TCERG1L: variants seen among roughly 807,000 people sequenced by gnomAD.
The protein encoded by TCERG1L is transcription elongation regulator 1 like.
Under a neutral mutation model 56.3 loss-of-function variants are expected in TCERG1L, and 37 were observed. The ratio of observed to expected loss-of-function variants is 0.66; its 90% confidence interval spans 0.51 to 0.87. The LOEUF (loss-of-function observed/expected upper bound fraction) is 0.87, where lower values mean the gene tolerates loss of function less well. Among genes scored for constraint, TCERG1L ranks in the 40% least tolerant of loss-of-function variants. The probability of loss-of-function intolerance (pLI) is 0.00; values close to 1 mark genes in which losing one functional copy is unlikely to be tolerated. For missense variants in TCERG1L, 799 were observed against 774.2 expected, an observed-to-expected ratio of 1.03 and a Z score of -0.38; for synonymous variants, 324 against 326.3, an observed-to-expected ratio of 0.99 and a Z score of 0.08.
At chr10:131,177,423 C>T (rs61864069) in intron 4 of TCERG1L, among the ~76,000 whole-genome samples, 10,279 of 152,306 alleles carry the variant, frequency 0.067, 453 homozygotes, top group Middle Eastern at 0.15. Flanking sequence ...GATACATGTA[C>T]GTAAACGTGA....
At chr10:131,308,072 T>G in intron 3 of TCERG1L, 139 bp downstream of exon 3, 1 of 1,021,710 alleles carries the variant, frequency 9.8e-7, no homozygotes, top group Non-Finnish European at 1.4e-6. Flanking sequence ...TTAAAAAAGC[T>G]TCATGCTTGT....
intron 4 of TCERG1L, among the ~76,000 whole-genome samples, chr10:131,201,765 G>A (rs1168087955): frequency 6.6e-6 from 1 of 152,118 alleles, no homozygotes; most frequent in Non-Finnish European, 1.5e-5. Flanking sequence ...GTCCTTCTCT[G>A]CGGGACTGTA....
At chr10:131,142,735 A>T (rs934827944) in intron 7 of TCERG1L, among the ~76,000 whole-genome samples, 3 of 152,170 alleles carry the variant, frequency 2.0e-5, no homozygotes, top group Non-Finnish European at 4.4e-5. Context: ...GGCAAGTCAG[A>T]TAAGCTCCTT....
chr10:131,245,420 T>TAAAAA (rs397816461), intron 4 of TCERG1L, among the ~76,000 whole-genome samples: 6 of 150,974 alleles, frequency 4.0e-5, no homozygotes, highest in African/African-American at 1.2e-4. Flanking sequence ...ATTTTTTTTT[T>TAAAAA]AAAAAAACTG....
At position 131,113,375 on chromosome 10, in the gene TCERG1L, A is replaced by G. The variant is rs1022133702; in HGVS notation, c.1395+3424T>C. On this transcript the variant is annotated intron_variant, in intron 9 of 11. Transcript: ENST00000368642. The stretch of plus-strand genomic sequence containing the variant: ...TTCTGTGCACGCGTGCCCTGGCTGA[A>G]GGCTGGTGAAGCTCCTGGGAGGCAG... 1.2e-4 allele frequency among the ~76,000 whole-genome samples: 17 copies of G among 141,708 alleles called. 2 individuals carry two copies. The highest frequency in any genetic ancestry group is 1.6e-4 in the Non-Finnish European group (10 of 63,008). 93.0% of individuals were successfully genotyped at this position (141,708 alleles called of 152,430 possible).
chr10:131,212,262 A>G (rs1175950645), intron 4 of TCERG1L, among the ~76,000 whole-genome samples: 2 of 152,196 alleles, frequency 1.3e-5, no homozygotes, highest in Non-Finnish European at 2.9e-5. Flanking sequence ...AGGCCCATGC[A>G]GAGTTGATTC....
chr10:131,227,186 A>G (rs1328980223), intron 4 of TCERG1L, among the ~76,000 whole-genome samples: 4 of 152,256 alleles, frequency 2.6e-5, no homozygotes, highest in Non-Finnish European at 4.4e-5. Flanking sequence ...GTGGCACTTC[A>G]GCCACCATTG....
intron 4 of TCERG1L, among the ~76,000 whole-genome samples, chr10:131,227,875 CAACT>C (rs1486423546): frequency 6.6e-6 from 1 of 152,084 alleles, no homozygotes. Context: ...GACCTGAGCG[CAACT>C]ATCTTCCGGG....
At chr10:131,207,167 G>A (rs1484992464) in intron 4 of TCERG1L, among the ~76,000 whole-genome samples, 1 of 52,046 alleles carries the variant, frequency 1.9e-5, no homozygotes, top group Admixed American at 2.7e-4. Context: ...CACTTGCCCC[G>A]ACCTCTTCCC....
At chr10:131,301,083 T>C (rs1023784461) in intron 3 of TCERG1L, among the ~76,000 whole-genome samples, 2 of 152,042 alleles carry the variant, frequency 1.3e-5, no homozygotes, top group African/African-American at 4.8e-5. Flanking sequence ...CAGAAAAGGA[T>C]TCCTATATGT....
intron 3 of TCERG1L, among the ~76,000 whole-genome samples, chr10:131,285,176 C>G (rs61187560): frequency 0.074 from 11,242 of 151,790 alleles, 526 homozygotes; most frequent in African/African-American, 0.12. Context: ...TTAGGAGTTC[C>G]AGACCAGCCT....
rs1845349665 is a variant in TCERG1L at position 131,106,114 on chromosome 10, ACT to A, written c.1396-1762_1396-1761del. Among the ~76,000 whole-genome samples the A allele has an allele frequency of 2.6e-5, 4 of 152,198 alleles. No homozygotes were observed. In the South Asian group the frequency reaches 8.3e-4, roughly 32 times the overall value. Reference sequence around the variant, plus strand: ...GCTAGTGAGGTGTTGTTGCTTCTAGACTCTCTCAGCTGACAAAGCAAGGGAAT... The same window carrying A: ...GCTAGTGAGGTGTTGTTGCTTCTAGACTCTCAGCTGACAAAGCAAGGGAAT... On this transcript the variant is annotated intron_variant, in intron 9 of 11. Coordinates refer to ENST00000368642, the MANE Select transcript of TCERG1L (RefSeq NM_174937.4).
chr10:131,204,311 G>T (rs534267809), intron 4 of TCERG1L, among the ~76,000 whole-genome samples: 25 of 152,354 alleles, frequency 1.6e-4, no homozygotes, highest in African/African-American at 6.0e-4. Context: ...GTATAGAGGA[G>T]CGGGAACAGA....
chr10:131,291,779 T>C (rs1846630655), intron 3 of TCERG1L, among the ~76,000 whole-genome samples: 1 of 151,520 alleles, frequency 6.6e-6, no homozygotes, highest in African/African-American at 2.4e-5. Flanking sequence ...CCATAGTAAC[T>C]GTAAAAAAAA....
intron 9 of TCERG1L, among the ~76,000 whole-genome samples, chr10:131,106,950 C>T (rs1426042427): frequency 6.6e-6 from 1 of 152,190 alleles, no homozygotes; most frequent in Non-Finnish European, 1.5e-5. Context: ...CTAGGATTCT[C>T]CTCCACAGAG....
intron 7 of TCERG1L, among the ~76,000 whole-genome samples, chr10:131,135,686 A>C (rs908166239): frequency 6.6e-6 from 1 of 152,206 alleles, no homozygotes; most frequent in Admixed American, 6.5e-5. Flanking sequence ...GCTCATGGTC[A>C]CCCCTGCCCA....
chr10:131,124,351 A>G (rs1204640159), intron 8 of TCERG1L, among the ~76,000 whole-genome samples: 1 of 152,148 alleles, frequency 6.6e-6, no homozygotes, highest in Admixed American at 6.5e-5. Flanking sequence ...ACCATTAGGG[A>G]GTCCCCGTCC....
chr10:131,093,342 G>A, intron 11 of TCERG1L, 24 bp from the exon 12 acceptor site: 1 of 1,611,216 alleles, frequency 6.2e-7, no homozygotes, highest in Non-Finnish European at 8.5e-7. Context: ...AGTTTCCTGA[G>A]ACACCTTCCA....
intron 3 of TCERG1L, among the ~76,000 whole-genome samples, chr10:131,304,064 G>C (rs1306544266): frequency 6.6e-6 from 1 of 151,944 alleles, no homozygotes; most frequent in Non-Finnish European, 1.5e-5. Flanking sequence ...TGAATGAAGA[G>C]AGGTACAGCC....
Sources: allele counts gnomAD v4.1 joint callset (sites outside exome capture counted in the v4.1 genomes callset), GRCh38; gene constraint gnomAD v4.1.1; transcripts MANE v1.5; gene names NCBI Gene and HGNC (gene_info 2026-07-23, HGNC 2026-07-21).